KLHL5: variants seen among roughly 807,000 people sequenced by gnomAD.
The protein encoded by KLHL5 is kelch-like protein 5.
KLHL5 carries 48 observed loss-of-function variants against 77.7 expected under a neutral mutation model. That is an observed-to-expected ratio of 0.62 (90% CI 0.49 to 0.79). The LOEUF (loss-of-function observed/expected upper bound fraction) is 0.79, where lower values mean the gene tolerates loss of function less well. Among genes scored for constraint, KLHL5 ranks in the 30% least tolerant of loss-of-function variants. The pLI is 0.00. For synonymous variants in KLHL5, 260 were observed against 297.0 expected, an observed-to-expected ratio of 0.88 and a Z score of 1.28; for missense variants, 723 against 859.7, an observed-to-expected ratio of 0.84 and a Z score of 1.99.
At chr4:39,120,657 TCA>T (rs1486232170) in intron 10 of KLHL5, among the ~76,000 whole-genome samples, 2 of 152,226 alleles carry the variant, frequency 1.3e-5, no homozygotes, top group Non-Finnish European at 2.9e-5. Flanking sequence ...TCCATATTGG[TCA>T]CAGAGTTACT....
chr4:39,091,115 A>T (rs1720507574), intron 5 of KLHL5, among the ~76,000 whole-genome samples: 1 of 151,322 alleles, frequency 6.6e-6, no homozygotes, highest in South Asian at 2.1e-4. Context: ...CAGCCTTCTC[A>T]GTAGCTGGGA....
rs1721754130 is a variant in KLHL5, at chr4:39,103,257, T to C, written c.1301-30T>C. The C allele has an allele frequency of 6.1e-6, 9 of 1,476,380 alleles. No homozygotes were observed. In the East Asian group the frequency reaches 1.9e-4, roughly 32 times the overall value. 91.5% of individuals were successfully genotyped at this position (1,476,380 alleles called of 1,614,324 possible). On this transcript the variant is annotated intron_variant, in intron 6 of 10. Transcript: ENST00000504108. ...ATTACCAATCATGGTATAATTTCTATTTACATAACTTCTATATATTACTAT... is the reference window on the plus strand; with the variant it reads ...ATTACCAATCATGGTATAATTTCTACTTACATAACTTCTATATATTACTAT...
chr4:39,062,662 T>C lies in KLHL5; in HGVS notation c.10T>C (p.Ser4Pro), dbSNP rs1229455521. ...CTTGGTTTCTCTGAGGATGTCTGGT[T>C]CTCGTAAAGAGTTTGATGTGAAACA... MSGSRKEFDVKQIL... is the reference protein window; with the variant it reads MSGPRKEFDVKQIL... The change falls in exon 1 of 11, where the codon TCT becomes CCT. Residue 4 changes from serine (S) to proline (P), a missense_variant. Physicochemically the swap from Ser to Pro is moderately conservative, Grantham distance 74. Coordinates refer to ENST00000504108, the MANE Select transcript of KLHL5 (RefSeq NM_015990.5). The C allele has an allele frequency of 1.2e-6, 2 of 1,614,064 alleles. No individual in the cohort carries two copies. The highest frequency in any genetic ancestry group is 1.7e-6 in the Non-Finnish European group (2 of 1,180,006).
At chr4:39,058,744 TTTA>T (rs1717173405), upstream of KLHL5, among the ~76,000 whole-genome samples, 1 of 152,146 alleles carries the variant, frequency 6.6e-6, no homozygotes, top group South Asian at 2.1e-4. Context: ...ATTGTTGGAT[TTTA>T]TTATAGCTCT....
downstream of KLHL5, among the ~76,000 whole-genome samples, chr4:39,127,526 C>T (rs991264301): frequency 1.1e-4 from 17 of 152,130 alleles, no homozygotes; most frequent in African/African-American, 1.7e-4. Context: ...TAGCTCACTA[C>T]GTCCACAACT....
intron 6 of KLHL5, among the ~76,000 whole-genome samples, chr4:39,101,845 CAA>C (rs139956032): frequency 1.3e-3 from 135 of 105,342 alleles, no homozygotes; most frequent in Middle Eastern, 5.4e-3. Context: ...CAGTCTGTCT[CAA>C]AAAAAAAAAA....
chr4:39,078,170 G>A (rs376225872), intron 2 of KLHL5, among the ~76,000 whole-genome samples: 32 of 152,050 alleles, frequency 2.1e-4, no homozygotes, highest in East Asian at 7.7e-4. Flanking sequence ...GGTGGATCAC[G>A]AGGTCAGAAG....
downstream of KLHL5, among the ~76,000 whole-genome samples, chr4:39,130,520 A>G (rs996405653): frequency 3.3e-5 from 5 of 152,236 alleles, no homozygotes; most frequent in African/African-American, 1.2e-4. Context: ...GGGTCAGTTT[A>G]TGGCCAGATT....
In KLHL5 at chr4:39,113,384, A is replaced by G. The variant is rs1722602565; in HGVS notation, c.1901+152A>G. On this transcript the variant is annotated intron_variant, in intron 9 of 10. Coordinates refer to ENST00000504108, the MANE Select transcript of KLHL5 (RefSeq NM_015990.5). The stretch of plus-strand genomic sequence containing the variant: ...TCACTTTATAACAGCCTGCTCTCAC[A>G]GGAAGTGATACTTCCAGAAAAATAA... The G allele has an allele frequency of 1.1e-5, 7 of 621,004 alleles. No homozygotes were observed. In the East Asian group the frequency reaches 1.9e-4, roughly 17 times the overall value. The allele number at this position is 621,004 out of a possible 1,614,324, so 38.5% of individuals were successfully genotyped here.
chr4:39,095,956 C>G (rs1173740539), intron 5 of KLHL5, among the ~76,000 whole-genome samples: 1 of 151,918 alleles, frequency 6.6e-6, no homozygotes, highest in East Asian at 1.9e-4. Context: ...AAAGGCTGCA[C>G]ACCAGGTTGT....
the KLHL5 span, among the ~76,000 whole-genome samples, chr4:39,137,474 A>T: frequency 0.23 from 34,534 of 151,952 alleles, 4,411 homozygotes; most frequent in African/African-American, 0.34. Context: ...TAAATAAAAA[A>T]TTATCTGAGC....
upstream of KLHL5, among the ~76,000 whole-genome samples, chr4:39,057,885 TTTAAG>T (rs1309647404): frequency 2.0e-5 from 3 of 152,196 alleles, no homozygotes; most frequent in African/African-American, 7.2e-5. Context: ...ATAGCCATGA[TTTAAG>T]TTGAGTGAAG....
At chr4:39,096,163 G>A (rs1721045178) in intron 5 of KLHL5, among the ~76,000 whole-genome samples, 1 of 151,890 alleles carries the variant, frequency 6.6e-6, no homozygotes, top group Non-Finnish European at 1.5e-5. Context: ...AATATATAAA[G>A]CTGGATTCAG....
chr4:39,106,750 T>C (rs1722065998), intron 7 of KLHL5, among the ~76,000 whole-genome samples: 2 of 152,332 alleles, frequency 1.3e-5, no homozygotes, highest in South Asian at 2.1e-4. Context: ...CTAAAAATAT[T>C]GCCTCTAAAA....
chr4:39,075,679 A>G (rs1182893198), intron 1 of KLHL5, among the ~76,000 whole-genome samples: 1 of 152,210 alleles, frequency 6.6e-6, no homozygotes, highest in Non-Finnish European at 1.5e-5. Context: ...CTTTTTCAGC[A>G]GAGACATTGG....
intron 1 of KLHL5, among the ~76,000 whole-genome samples, chr4:39,047,639 A>G (rs1174777662): frequency 6.6e-6 from 1 of 152,230 alleles, no homozygotes; most frequent in Non-Finnish European, 1.5e-5. Context: ...TTGTTCTGCA[A>G]GTTGCCTGTT....
intron 1 of KLHL5, among the ~76,000 whole-genome samples, chr4:39,052,967 C>T (rs1238400578): frequency 6.6e-6 from 1 of 152,166 alleles, no homozygotes; most frequent in Non-Finnish European, 1.5e-5. Context: ...CACTAATCTC[C>T]ATTTGACCAC....
At chr4:39,112,459 A>G (rs1722513119) in intron 8 of KLHL5, among the ~76,000 whole-genome samples, 1 of 152,130 alleles carries the variant, frequency 6.6e-6, no homozygotes, top group African/African-American at 2.4e-5. Flanking sequence ...ATGTGTCCCA[A>G]TTCTGCTGCT....
rs1722735565 is a variant in KLHL5, at chr4:39,115,042, A to G, written c.1902-117A>G. On this transcript the variant is annotated intron_variant, in intron 9 of 10. Transcript: ENST00000504108. ...TGATATTTTTCTCTAAAATATGTTC[A>G]AATGTATTTGATTACATAGTAGATA... is the stretch of plus-strand genomic sequence containing the variant. 3 of 886,694 alleles carry G rather than the reference A, an allele frequency of 3.4e-6. No homozygotes were observed. The Admixed American group carries it at 8.7e-5, about 26-fold the overall frequency. The allele number at this position is 886,694 out of a possible 1,614,324, so 54.9% of individuals were successfully genotyped here.
Sources: gnomAD v4.1 joint callset for allele counts (sites outside exome capture counted in the v4.1 genomes callset) on GRCh38, gnomAD v4.1.1 for gene constraint, MANE v1.5 for transcripts, NCBI Gene and HGNC (gene_info 2026-07-23, HGNC 2026-07-21) for gene names.